The following AGBL4 variants were observed in gnomAD, a reference collection of about 807,000 sequenced individuals.
AGBL4 encodes the protein AGBL carboxypeptidase 4.
Under a neutral mutation model 66.4 loss-of-function variants are expected in AGBL4, and 58 were observed. That is an observed-to-expected ratio of 0.87 (90% CI 0.71 to 1.09). AGBL4 has a LOEUF of 1.09. AGBL4 is among the 50% of genes least tolerant of loss of function. The pLI, the probability that AGBL4 is intolerant of heterozygous loss-of-function variation, is 0.00. For missense variants in AGBL4, 579 were observed against 631.0 expected, an observed-to-expected ratio of 0.92 and a Z score of 0.88; for synonymous variants, 234 against 222.9, an observed-to-expected ratio of 1.05 and a Z score of -0.44.
intron 3 of AGBL4, among the ~76,000 whole-genome samples, chr1:49,658,435 T>G (rs1646195747): frequency 6.6e-6 from 1 of 152,224 alleles, no homozygotes; most frequent in South Asian, 2.1e-4. Flanking sequence ...TCAACCATTG[T>G]GGAATTCAGT....
chr1:49,566,775 T>G (rs1019662026), intron 3 of AGBL4, among the ~76,000 whole-genome samples: 3 of 115,852 alleles, frequency 2.6e-5, no homozygotes, highest in African/African-American at 8.2e-5. Context: ...GTCTGCCCAT[T>G]CTCAGATCTC....
At chr1:49,420,593 C>T (rs1049931757) in intron 3 of AGBL4, among the ~76,000 whole-genome samples, 2 of 151,226 alleles carry the variant, frequency 1.3e-5, no homozygotes, top group Non-Finnish European at 2.9e-5. Context: ...CCCAGCTACT[C>T]GGGAGGCTGA....
chr1:49,080,902 T>A (rs1644798442), intron 4 of AGBL4, among the ~76,000 whole-genome samples: 1 of 152,206 alleles, frequency 6.6e-6, no homozygotes, highest in Non-Finnish European at 1.5e-5. Flanking sequence ...TTTGTGAACA[T>A]CCCATAGTTC....
chr1:49,219,738 G>A (rs182838084), intron 4 of AGBL4, among the ~76,000 whole-genome samples: 168 of 152,226 alleles, frequency 1.1e-3, no homozygotes, highest in Middle Eastern at 6.8e-3. Context: ...CTCACTTCTT[G>A]TTGATTACTT....
At chr1:49,624,299 ATG>A (rs1218272883) in intron 3 of AGBL4, among the ~76,000 whole-genome samples, 1 of 152,120 alleles carries the variant, frequency 6.6e-6, no homozygotes, top group Non-Finnish European at 1.5e-5. Flanking sequence ...CACATAATAA[ATG>A]CTTAAATGTG....
chr1:49,986,652 T>C (rs986806094), intron 1 of AGBL4, among the ~76,000 whole-genome samples: 1 of 152,072 alleles, frequency 6.6e-6, no homozygotes, highest in African/African-American at 2.4e-5. Context: ...GAGCTCCACA[T>C]ACTGTGTGGC....
intron 5 of AGBL4, among the ~76,000 whole-genome samples, chr1:48,961,080 G>GGTGTGT (rs140660896): frequency 0.031 from 4,597 of 148,668 alleles, 166 homozygotes; most frequent in African/African-American, 0.098. Context: ...CCCAGTCTGG[G>GGTGTGT]GTGTGTGTGT....
chr1:49,984,510 C>T (rs1335447584), intron 1 of AGBL4, among the ~76,000 whole-genome samples: 2 of 152,156 alleles, frequency 1.3e-5, no homozygotes, highest in Non-Finnish European at 2.9e-5. Context: ...ATTCATAGCT[C>T]CTCCTGTAAC....
At chr1:49,578,062 G>A (rs920756509) in intron 3 of AGBL4, among the ~76,000 whole-genome samples, 1 of 152,120 alleles carries the variant, frequency 6.6e-6, no homozygotes, top group African/African-American at 2.4e-5. Context: ...GTTCCAGAGG[G>A]AGGAACGCTG....
At chr1:49,473,212 A>T (rs1184020549) in intron 3 of AGBL4, among the ~76,000 whole-genome samples, 1 of 152,116 alleles carries the variant, frequency 6.6e-6, no homozygotes, top group Non-Finnish European at 1.5e-5. Context: ...CTTTTAAGAA[A>T]TCTCCAAACT....
chr1:49,072,225 G>A (rs1279093051), intron 4 of AGBL4, among the ~76,000 whole-genome samples: 2 of 151,962 alleles, frequency 1.3e-5, no homozygotes, highest in African/African-American at 4.8e-5. Flanking sequence ...TTTTAATTGG[G>A]GCATTTAGCT....
Position 49,127,412 on chromosome 1 carries a change from C to T in AGBL4, c.378-81612G>A, listed in dbSNP as rs185167207. On this transcript the variant is annotated intron_variant, in intron 4 of 13. Coordinates refer to ENST00000371839, the MANE Select transcript of AGBL4 (RefSeq NM_032785.4). ...AACTTACTCATGTAACCAAATACCA[C>T]CTGTTCCTCAAAAACGTATGAAAAT... 4.6e-5 allele frequency among the ~76,000 whole-genome samples: 7 copies of T among 152,216 alleles called. No individual in the cohort carries two copies. In the East Asian group the frequency reaches 1.4e-3, roughly 29 times the overall value.
At chr1:49,735,819 G>A (rs1389376141) in intron 2 of AGBL4, among the ~76,000 whole-genome samples, 1 of 151,942 alleles carries the variant, frequency 6.6e-6, no homozygotes, top group Admixed American at 6.6e-5. Flanking sequence ...AGTACTATGA[G>A]GAGATAGAAG....
intron 6 of AGBL4, among the ~76,000 whole-genome samples, chr1:48,694,370 G>A (rs1195398595): frequency 6.6e-6 from 1 of 152,190 alleles, no homozygotes; most frequent in African/African-American, 2.4e-5. Flanking sequence ...CTTGCTAGGT[G>A]TGTGTGTAAT....
chr1:49,777,961 G>C (rs1644240338), intron 2 of AGBL4, among the ~76,000 whole-genome samples: 1 of 152,146 alleles, frequency 6.6e-6, no homozygotes, highest in African/African-American at 2.4e-5. Context: ...TGACTCACAA[G>C]CTGCTCCCAT....
At chr1:48,742,644 C>G (rs149339808) in intron 6 of AGBL4, 1 of 1,601,512 alleles carries the variant, frequency 6.2e-7, no homozygotes, top group Non-Finnish European at 8.5e-7. Context: ...CTAGGATATA[C>G]TTGTCCATGA....
Position 49,689,149 on chromosome 1 carries a change from C to T in AGBL4, c.282+8164G>A, listed in dbSNP as rs191944854. On this transcript the variant is annotated intron_variant, in intron 3 of 13. Coordinates refer to ENST00000371839, the MANE Select transcript of AGBL4 (RefSeq NM_032785.4). ...GTATTACTCAAAAAATCTTTGCCCA[C>T]GCCAATGCCCTGGAGAGTTTCCTCA... Among the ~76,000 whole-genome samples, 215 of 152,184 alleles carry T rather than the reference C, an allele frequency of 1.4e-3. 1 individual carries two copies. The highest frequency in any genetic ancestry group is 4.1e-3 in the African/African-American group (170 of 41,548).
At chr1:49,456,134 C>T (rs981489621) in intron 3 of AGBL4, among the ~76,000 whole-genome samples, 1 of 151,718 alleles carries the variant, frequency 6.6e-6, no homozygotes, top group Non-Finnish European at 1.5e-5. Flanking sequence ...GCCCTTTCTG[C>T]TCACACCTTC....
chr1:49,607,441 T>C (rs1645080043), intron 3 of AGBL4, among the ~76,000 whole-genome samples: 1 of 152,154 alleles, frequency 6.6e-6, no homozygotes, highest in African/African-American at 2.4e-5. Flanking sequence ...AAATGAGCCC[T>C]GCATATTCAT....
Sources: gnomAD v4.1 joint callset for allele counts (sites outside exome capture counted in the v4.1 genomes callset) on GRCh38, gnomAD v4.1.1 for gene constraint, MANE v1.5 for transcripts, NCBI Gene and HGNC (gene_info 2026-07-23, HGNC 2026-07-21) for gene names.